Variants in SETBP1 observed in about 807,000 individuals in gnomAD.
SETBP1 encodes SET-binding protein.
A neutral mutation model predicts 101.0 loss-of-function variants in SETBP1; 9 were observed. The observed-to-expected ratio is 0.09, with a 90% CI of 0.05 to 0.16. The LOEUF (loss-of-function observed/expected upper bound fraction) is 0.16. Ranked by LOEUF, SETBP1 falls within the 10% of genes least tolerant of loss-of-function variation. SETBP1 has a pLI of 1.00. For missense variants in SETBP1, 1,858 were observed against 2,033.8 expected, an observed-to-expected ratio of 0.91 and a Z score of 1.66; for synonymous variants, 818 against 788.5, an observed-to-expected ratio of 1.04 and a Z score of -0.63.
At chr18:44,730,558 C>G (rs1215614104) in intron 2 of SETBP1, among the ~76,000 whole-genome samples, 1 of 152,216 alleles carries the variant, frequency 6.6e-6, no homozygotes, top group Non-Finnish European at 1.5e-5. Context: ...TGCTTGGTCT[C>G]TCCATCCAAG....
chr18:44,827,745 T>C (rs935069948), intron 2 of SETBP1, among the ~76,000 whole-genome samples: 6 of 152,228 alleles, frequency 3.9e-5, no homozygotes, highest in African/African-American at 1.4e-4. Context: ...CAAAGCATTA[T>C]AGTCAAAATA....
chr18:44,827,629 A>G (rs570725752), intron 2 of SETBP1, among the ~76,000 whole-genome samples: 23 of 152,352 alleles, frequency 1.5e-4, no homozygotes, highest in African/African-American at 7.2e-5. Flanking sequence ...CAATCAAACC[A>G]TGGAGGACTG....
At chr18:45,056,016 T>C (rs903988954) in intron 5 of SETBP1, among the ~76,000 whole-genome samples, 34 of 152,306 alleles carry the variant, frequency 2.2e-4, no homozygotes, top group Admixed American at 2.1e-3. Context: ...ACATTAAGTG[T>C]TTTGTTTTTT....
rs140417562 is a variant in SETBP1, at chr18:44,990,594, A to AAAAC, written c.4000+37278_4000+37281dup. Among the ~76,000 whole-genome samples, 647 of 150,614 alleles carry AAAAC rather than the reference A, an allele frequency of 4.3e-3. 8 individuals carry two copies. The highest frequency in any genetic ancestry group is 0.014 in the African/African-American group (586 of 40,958). On this transcript the variant is annotated intron_variant, in intron 4 of 5. Transcript: ENST00000649279. ...GCAACAGAGAAAGACCTTGTCTCAA[A>AAAAC]AAACAAACAAACAAACAAACAAACA...
At chr18:44,890,360 TGTTA>T (rs2069739601) in intron 3 of SETBP1, among the ~76,000 whole-genome samples, 1 of 152,168 alleles carries the variant, frequency 6.6e-6, no homozygotes, top group South Asian at 2.1e-4. Context: ...ATAAAGGGGC[TGTTA>T]GTTCTGTATA....
chr18:44,811,004 T>G (rs1330570938), intron 2 of SETBP1, among the ~76,000 whole-genome samples: 1 of 152,166 alleles, frequency 6.6e-6, no homozygotes, highest in Non-Finnish European at 1.5e-5. Flanking sequence ...TTCCTCATTT[T>G]CCAGATTAGA....
chr18:45,039,909 G>GT (rs1020118234), intron 5 of SETBP1, among the ~76,000 whole-genome samples: 2 of 152,162 alleles, frequency 1.3e-5, no homozygotes, highest in African/African-American at 2.4e-5. Context: ...ATACTAGTAG[G>GT]TTTTTTGTGA....
intron 5 of SETBP1, among the ~76,000 whole-genome samples, chr18:45,060,729 A>T (rs2073877501): frequency 6.6e-6 from 1 of 152,146 alleles, no homozygotes; most frequent in East Asian, 1.9e-4. Flanking sequence ...ATTATCTGCT[A>T]TCTGCTAGGT....
chr18:45,046,989 G>A (rs1568049335), intron 5 of SETBP1, among the ~76,000 whole-genome samples: 2 of 152,178 alleles, frequency 1.3e-5, no homozygotes, highest in Non-Finnish European at 2.9e-5. Flanking sequence ...GAGGTTTAAT[G>A]ACAGGTTTGA....
At chr18:44,832,479 G>A (rs992475586) in intron 2 of SETBP1, among the ~76,000 whole-genome samples, 7 of 152,212 alleles carry the variant, frequency 4.6e-5, no homozygotes, top group Non-Finnish European at 1.0e-4. Flanking sequence ...CAGTCAGGGC[G>A]AGCCCCTCTA....
At chr18:44,963,365 C>A (rs2071652740) in intron 4 of SETBP1, among the ~76,000 whole-genome samples, 1 of 152,074 alleles carries the variant, frequency 6.6e-6, no homozygotes, top group African/African-American at 2.4e-5. Flanking sequence ...AGCCCAGGGT[C>A]TAATGTCAAT....
At chr18:44,933,728 T>G (rs1348738427) in intron 3 of SETBP1, among the ~76,000 whole-genome samples, 3 of 152,190 alleles carry the variant, frequency 2.0e-5, no homozygotes, top group African/African-American at 7.2e-5. Context: ...TGAGGCTCCG[T>G]GGGTGTGGTA....
At chr18:44,903,132 T>TCA (rs112083037) in intron 3 of SETBP1, among the ~76,000 whole-genome samples, 2 of 152,180 alleles carry the variant, frequency 1.3e-5, no homozygotes, top group African/African-American at 4.8e-5. Context: ...TCACCATTTT[T>TCA]CACACACACA....
At chr18:44,766,521 G>A (rs2070766177) in intron 2 of SETBP1, among the ~76,000 whole-genome samples, 1 of 152,180 alleles carries the variant, frequency 6.6e-6, no homozygotes, top group Non-Finnish European at 1.5e-5. Flanking sequence ...TAGAATAGTG[G>A]TTTCAGGGGG....
chr18:44,876,698 G>T lies in SETBP1; in HGVS notation c.540+7415G>T, dbSNP rs947603401. The T allele has an allele frequency of 1.3e-5, 20 of 1,503,618 alleles. No homozygotes were observed. In the African/African-American group the frequency reaches 3.3e-4, roughly 25 times the overall value. The allele number at this position is 1,503,618 out of a possible 1,614,324, so 93.1% of individuals were successfully genotyped here. A position where few individuals can be genotyped will look rare whatever the true frequency, so the allele number is the denominator to read the frequency against. ...CGGAACCCATTCCCCGCAAAACCCG[G>T]TTCTCTCACTCTTCCTTTTCACAGT... On this transcript the variant is annotated intron_variant, in intron 3 of 5. Transcript: ENST00000649279.
chr18:44,923,065 G>A (rs1429659389), intron 3 of SETBP1, among the ~76,000 whole-genome samples: 2 of 152,126 alleles, frequency 1.3e-5, no homozygotes, highest in Non-Finnish European at 2.9e-5. Flanking sequence ...TGGTTACTAC[G>A]TTGCAAAGAA....
intron 2 of SETBP1, among the ~76,000 whole-genome samples, chr18:44,838,633 T>G (rs2072545810): frequency 6.6e-6 from 1 of 152,228 alleles, no homozygotes; most frequent in East Asian, 1.9e-4. Context: ...AAGGCCCTGC[T>G]TATTGCCGCT....
At chr18:44,703,208 A>G (rs974075874) in intron 2 of SETBP1, among the ~76,000 whole-genome samples, 2 of 152,154 alleles carry the variant, frequency 1.3e-5, no homozygotes, top group Non-Finnish European at 2.9e-5. Context: ...GGTGTTAATC[A>G]TAATCTTTGT....
At chr18:44,686,184 C>T (rs1165131440) in intron 1 of SETBP1, among the ~76,000 whole-genome samples, 1 of 152,244 alleles carries the variant, frequency 6.6e-6, no homozygotes, top group Non-Finnish European at 1.5e-5. Context: ...CTTCACAGCT[C>T]ATTTGTTCCC....
Sources: allele counts gnomAD v4.1 joint callset (sites outside exome capture counted in the v4.1 genomes callset), GRCh38; gene constraint gnomAD v4.1.1; transcripts MANE v1.5; gene names NCBI Gene and HGNC (gene_info 2026-07-23, HGNC 2026-07-21).